The following CCDC83 variants were observed in gnomAD, a reference collection of about 807,000 sequenced individuals.
CCDC83 encodes coiled-coil domain-containing protein 83.
A neutral mutation model predicts 50.1 loss-of-function variants in CCDC83; 54 were observed. That is an observed-to-expected ratio of 1.08 (90% CI 0.87 to 1.35). The LOEUF is 1.35. CCDC83 is among the 40% of genes most tolerant of loss of function. The pLI is 0.00. For synonymous variants in CCDC83, 161 were observed against 153.3 expected (o/e 1.05, Z -0.37); for missense variants, 518 against 473.9 (o/e 1.09, Z -0.86).
rs1222486684 is a variant in CCDC83 at position 85,865,224 on chromosome 11, T to C, written c.95+6T>C. The C allele has an allele frequency of 3.9e-6, 6 of 1,545,292 alleles. No homozygotes were observed. Among genetic ancestry groups the C allele is most frequent in the Admixed American group, 1.7e-5 (1 of 59,372 alleles). ...GAAGCACTTCTAGACTATCAGTAAG[T>C]TTTTATTCTGAAATCTGAAAGTTGC... On this transcript the variant is annotated splice_donor_region_variant and intron_variant, in intron 2 of 10. Transcript: ENST00000342404.
intron 5 of CCDC83, among the ~76,000 whole-genome samples, chr11:85,894,928 A>T (rs1392166284): frequency 6.6e-6 from 1 of 152,284 alleles, no homozygotes; most frequent in East Asian, 1.9e-4. Context: ...CAATAATGAC[A>T]TTTGTGAGCA....
At chr11:85,898,237 A>C (rs1052176025) in intron 6 of CCDC83, among the ~76,000 whole-genome samples, 1 of 151,660 alleles carries the variant, frequency 6.6e-6, no homozygotes, top group African/African-American at 2.4e-5. Flanking sequence ...TGTGATCTAG[A>C]TTATTTTTCT....
intron 8 of CCDC83, among the ~76,000 whole-genome samples, chr11:85,913,036 G>A (rs548353683): frequency 5.9e-5 from 9 of 152,222 alleles, no homozygotes; most frequent in African/African-American, 1.2e-4. Context: ...ATAATCTAAC[G>A]TCATCCTCGC....
chr11:85,860,984 A>G (rs1435159529), intron 1 of CCDC83, among the ~76,000 whole-genome samples: 1 of 137,904 alleles, frequency 7.3e-6, no homozygotes, highest in Non-Finnish European at 1.6e-5. Context: ...ATTACAAGCC[A>G]TAAATTGTGG....
chr11:85,906,023 T>C (rs557222418), intron 7 of CCDC83, among the ~76,000 whole-genome samples: 1 of 150,924 alleles, frequency 6.6e-6, no homozygotes, highest in Non-Finnish European at 1.5e-5. Flanking sequence ...TTCTTATACA[T>C]TTATTAAATA....
chr11:85,873,404 G>T, intron 3 of CCDC83, 109 bp downstream of exon 3: 1 of 473,118 alleles, frequency 2.1e-6, no homozygotes. Context: ...CTTCTTCAAA[G>T]CTTGGAATTG....
intron 8 of CCDC83, among the ~76,000 whole-genome samples, chr11:85,913,045 G>C (rs183552624): frequency 1.3e-5 from 2 of 152,268 alleles, no homozygotes; most frequent in East Asian, 3.9e-4. Context: ...CGTCATCCTC[G>C]CTCTTCCCTA....
chr11:85,894,299 C>T (rs12274739), intron 5 of CCDC83, among the ~76,000 whole-genome samples: 39,947 of 151,818 alleles, frequency 0.26, 5,585 homozygotes, highest in Middle Eastern at 0.28. Context: ...CTAGCAGCCA[C>T]GATTTTCAAC....
rs754883549 is a variant in CCDC83, at chr11:85,865,097, T to G, written c.-27T>G. 7.0e-7 allele frequency: 1 copy of G among 1,435,908 alleles called. No individual in the cohort carries two copies. The highest frequency in any genetic ancestry group is 1.7e-5 in the Admixed American group (1 of 57,902). 88.9% of individuals were successfully genotyped at this position (1,435,908 alleles called of 1,614,324 possible). On this transcript the variant is annotated splice_region_variant and 5_prime_UTR_variant, in exon 2 of 11. Transcript: ENST00000342404. ...TTCGTATGTCTCCTTTCTAAACAGG[T>G]ATATTTCTTCATAGCTAACCAGCAC...
Position 85,882,549 on chromosome 11 carries a change from C to T in CCDC83, c.217C>T (p.Arg73Trp), listed in dbSNP as rs201645618. Residue 73 changes from arginine to tryptophan, a missense_variant, in exon 4 of 11, where the codon CGG becomes TGG. Arg to Trp is a moderately radical substitution (Grantham distance 101). Transcript: ENST00000342404. ...AAAAGAAGAACAGATTTGGCACATA[C>T]GGCATCTACTAAAGGAACTGAGTGA... ...RLKEEQIWHI[R>W]HLLKELSEEK... 1.2e-4 allele frequency: 192 copies of T among 1,613,732 alleles called. No homozygotes were observed. The highest frequency in any genetic ancestry group is 8.9e-5 in the East Asian group (4 of 44,862).
At chr11:85,885,228 A>G (rs1388731493) in intron 4 of CCDC83, among the ~76,000 whole-genome samples, 1 of 152,038 alleles carries the variant, frequency 6.6e-6, no homozygotes. Flanking sequence ...AAAAAAAATT[A>G]GTATCTTGTG....
intron 1 of CCDC83, among the ~76,000 whole-genome samples, chr11:85,857,914 G>A (rs1015821064): frequency 6.6e-5 from 10 of 152,218 alleles, no homozygotes; most frequent in Non-Finnish European, 1.3e-4. Context: ...ACCACAGGCT[G>A]TGTTAACATC....
At position 85,919,552 on chromosome 11, in the gene CCDC83, G is replaced by A. The variant is rs774102923; in HGVS notation, c.*42G>A. ...GGAAACACAACTTTTCCTTATAAAT[G>A]TTCTTTGGGAACTGAAGTATATCCG... On this transcript the variant is annotated 3_prime_UTR_variant, in exon 11 of 11. Transcript: ENST00000342404. 1 of 1,489,712 alleles carries A rather than the reference G, an allele frequency of 6.7e-7. No homozygotes were observed. Among genetic ancestry groups the A allele is most frequent in the Non-Finnish European group, 9.2e-7 (1 of 1,089,240 alleles). 92.3% of individuals were successfully genotyped at this position (1,489,712 alleles called of 1,614,324 possible). A position where few individuals can be genotyped will look rare whatever the true frequency, so the allele number is the denominator to read the frequency against.
At chr11:85,908,005 C>T (rs2093433211) in intron 7 of CCDC83, among the ~76,000 whole-genome samples, 1 of 152,142 alleles carries the variant, frequency 6.6e-6, no homozygotes, top group South Asian at 2.1e-4. Context: ...TTCCTTAAGG[C>T]ATTCAAGCTT....
At position 85,890,230 on chromosome 11, in the gene CCDC83, C is replaced by A. The variant is rs55808919; in HGVS notation, c.511+3863C>A. On this transcript the variant is annotated intron_variant, in intron 5 of 10. Coordinates refer to ENST00000342404, the MANE Select transcript of CCDC83 (RefSeq NM_001286159.2). Reference sequence around the variant, plus strand: ...GGGAGTAAGTGGCTGAGGAGCTAACCGCACTGACAGCAGAACACAGAAGAG... The same window carrying A: ...GGGAGTAAGTGGCTGAGGAGCTAACAGCACTGACAGCAGAACACAGAAGAG... Among the ~76,000 whole-genome samples the A allele has an allele frequency of 4.6e-5, 7 of 152,232 alleles. No homozygotes were observed. The East Asian group carries it at 1.4e-3, about 29-fold the overall frequency.
intron 10 of CCDC83, 55 bp from the exon 11 acceptor site, chr11:85,919,294 G>A: frequency 1.3e-6 from 2 of 1,481,732 alleles, no homozygotes; most frequent in Non-Finnish European, 1.8e-6. Context: ...AATCTATCAA[G>A]CTGGTAATTT....
intron 1 of CCDC83, among the ~76,000 whole-genome samples, chr11:85,863,764 C>T (rs2093191239): frequency 6.6e-6 from 1 of 152,206 alleles, no homozygotes; most frequent in East Asian, 1.9e-4. Context: ...ATGGATTAGT[C>T]TTTCCACGCA....
chr11:85,905,661 G>C (rs1357756310), intron 7 of CCDC83, among the ~76,000 whole-genome samples: 2 of 149,938 alleles, frequency 1.3e-5, no homozygotes, highest in African/African-American at 4.9e-5. Context: ...CTCAAGGTGA[G>C]CTCAACAGTT....
intron 8 of CCDC83, 142 bp downstream of exon 8, chr11:85,911,544 A>G: frequency 1.5e-6 from 1 of 652,052 alleles, no homozygotes. Flanking sequence ...AAAAATGCTC[A>G]TGGTGAAGGT....
Sources: allele counts gnomAD v4.1 joint callset (sites outside exome capture counted in the v4.1 genomes callset), GRCh38; gene constraint gnomAD v4.1.1; transcripts MANE v1.5; gene names NCBI Gene and HGNC (gene_info 2026-07-23, HGNC 2026-07-21).